ADCY4: variants seen among roughly 807,000 people sequenced by gnomAD.
ADCY4 encodes adenylate cyclase 4, also known as adenylate cyclase type 4.
Under a neutral mutation model 125.5 loss-of-function variants are expected in ADCY4, and 111 were observed. The observed-to-expected ratio is 0.88, with a 90% CI of 0.76 to 1.04. The LOEUF is 1.04. Ranked by LOEUF, ADCY4 falls within the 50% of genes least tolerant of loss-of-function variation. The pLI is 0.00. For missense variants in ADCY4, 1,256 were observed against 1,382.9 expected (o/e 0.91, Z 1.46); for synonymous variants, 576 against 586.9 (o/e 0.98, Z 0.27).
chr14:24,325,961 G>A (rs1208536671), intron 12 of ADCY4, 74 bp from the exon 13 acceptor site: 1 of 1,582,666 alleles, frequency 6.3e-7, no homozygotes, highest in Non-Finnish European at 8.6e-7. Flanking sequence ...AGGGCAGAGT[G>A]AGGGCAAGAG....
chr14:24,331,759 C>T (rs1423479245), intron 4 of ADCY4, 29 bp downstream of exon 4: 1 of 1,536,766 alleles, frequency 6.5e-7, no homozygotes, highest in Non-Finnish European at 8.8e-7. Flanking sequence ...CCTCGGAGCG[C>T]TGCTCTGACC....
At chr14:24,321,536 T>G (rs2041851852) in intron 20 of ADCY4, among the ~76,000 whole-genome samples, 1 of 152,212 alleles carries the variant, frequency 6.6e-6, no homozygotes, top group Admixed American at 6.5e-5. Flanking sequence ...TTATATTACT[T>G]TTAATGGCAA....
chr14:24,319,288 G>A lies in ADCY4; in HGVS notation c.2841+41C>T. ...GTCCCACTAATAAGCCCATCAATGA[G>A]AGCCCAGAGGAGGATGGTAGGTAAG... is the stretch of plus-strand genomic sequence containing the variant. On this transcript the variant is annotated intron_variant, in intron 22 of 24. Coordinates refer to ENST00000418030, the MANE Select transcript of ADCY4 (RefSeq NM_001198568.2). The surrounding 1 kb of genome is among the most constrained non-coding windows in gnomAD (Gnocchi z 4.5). 6.2e-7 allele frequency: 1 copy of A among 1,612,750 alleles called. No homozygotes were observed. Among genetic ancestry groups the A allele is most frequent in the Non-Finnish European group, 8.5e-7 (1 of 1,178,804 alleles).
In ADCY4 at chr14:24,318,715, C is replaced by T. The variant is rs2041806854; in HGVS notation, c.3020G>A (p.Trp1007Ter). ...IGAQKPQYDI[W>*]GNTVNVASRM... is the part of the protein sequence containing the mutation. ...GCTGGCCACGTTCACTGTGTTGCCCCAAATGTCATATTGCGGCTTCTGGGC... is the reference window on the plus strand; with the variant it reads ...GCTGGCCACGTTCACTGTGTTGCCCTAAATGTCATATTGCGGCTTCTGGGC... The change falls in exon 24 of 25, where the codon TGG becomes TAG. Residue 1007 changes from tryptophan (W) to a stop codon, truncating the protein, a stop_gained. Coordinates refer to ENST00000418030, the MANE Select transcript of ADCY4 (RefSeq NM_001198568.2). LOFTEE classifies it high-confidence loss of function. 1 of 1,614,020 alleles carries T rather than the reference C, an allele frequency of 6.2e-7. No individual in the cohort carries two copies. Among genetic ancestry groups the T allele is most frequent in the Non-Finnish European group, 8.5e-7 (1 of 1,180,024 alleles).
At position 24,332,636 on chromosome 14, in the gene ADCY4, G is replaced by T. The variant is rs1164899706; in HGVS notation, c.405C>A (p.Pro135=). The T allele has an allele frequency of 1.9e-6, 3 of 1,586,184 alleles. No individual in the cohort carries two copies. The highest frequency in any genetic ancestry group is 3.6e-5 in the Admixed American group (2 of 55,260). ...FVIFTAYAML[P]LGMRDAAVAG... is the part of the protein sequence containing the mutation. ...CGACGGCGGCGTCCCGCATGCCCAA[G>T]GGCAGCATGGCATACGCCGTGAAGA... is the stretch of plus-strand genomic sequence containing the variant. The change falls in exon 3 of 25, where the codon CCC becomes CCA. Residue 135 remains proline, a synonymous_variant. Coordinates refer to ENST00000418030, the MANE Select transcript of ADCY4 (RefSeq NM_001198568.2).
Position 24,326,162 on chromosome 14 carries a change from G to A in ADCY4, c.1572C>T (p.Ser524=), listed in dbSNP as rs773504883. ...CATCATCTAGTCCCCGGGGGGTACG[G>A]CTCCTGCACAGTGAGAGCCAAGTCC... is the stretch of plus-strand genomic sequence containing the variant. ...SFSTQWSLDR[S]RTPRGLDDEL... The change falls in exon 12 of 25, where the codon AGC becomes AGT. Residue 524 remains serine, a synonymous_variant. Coordinates refer to ENST00000418030, the MANE Select transcript of ADCY4 (RefSeq NM_001198568.2). 2.4e-5 allele frequency: 39 copies of A among 1,600,936 alleles called. No homozygotes were observed. The South Asian group carries it at 4.2e-4, about 17-fold the overall frequency.
chr14:24,324,441 T>A, intron 14 of ADCY4, 50 bp from the exon 15 acceptor site: 1 of 1,553,592 alleles, frequency 6.4e-7, no homozygotes, highest in Non-Finnish European at 8.9e-7. Context: ...AGGCTCCCTG[T>A]GTGCTATGAA....
chr14:24,332,811 C>G lies in ADCY4; in HGVS notation c.337G>C (p.Val113Leu). ...LGHAFLFTGG[V>L]VSAWDQVSYF... Reference sequence around the variant, plus strand: ...CTCACCTGGTCCCAGGCGCTCACCACGCCCCCGGTGAACAGGAAGGCGTGG... The same window carrying G: ...CTCACCTGGTCCCAGGCGCTCACCAGGCCCCCGGTGAACAGGAAGGCGTGG... The change falls in exon 2 of 25, where the codon GTG (valine) becomes CTG (leucine). Residue 113 changes from valine (V) to leucine (L), a missense_variant. Coordinates refer to ENST00000418030, the MANE Select transcript of ADCY4 (RefSeq NM_001198568.2). 1 of 1,564,216 alleles carries G rather than the reference C, an allele frequency of 6.4e-7. No homozygotes were observed. The highest frequency in any genetic ancestry group is 8.7e-7 in the Non-Finnish European group (1 of 1,151,826).
chr14:24,320,225 C>T (rs2041831600), intron 20 of ADCY4, among the ~76,000 whole-genome samples: 1 of 152,124 alleles, frequency 6.6e-6, no homozygotes, highest in African/African-American at 2.4e-5. Flanking sequence ...ATTAAGCCGG[C>T]TACAAAACCA....
rs61745073 is a variant in ADCY4 at position 24,329,227 on chromosome 14, T to A, written c.1358A>T (p.Glu453Val). The A allele has an allele frequency of 5.8e-3, 9,412 of 1,613,520 alleles. 45 individuals carry two copies. The highest frequency in any genetic ancestry group is 6.7e-3 in the Non-Finnish European group (7,882 of 1,179,708). Residue 453 changes from glutamate (E) to valine (V), a missense_variant, in exon 10 of 25, where the codon GAG becomes GTG. By Grantham distance (121) the Glu-to-Val change is moderately radical (BLOSUM62 -2). Coordinates refer to ENST00000418030, the MANE Select transcript of ADCY4 (RefSeq NM_001198568.2). ...TCCTGCAGTGCCCTTCTCATCCTCCTCCTCTGCCTGGGGCACATAAGGGCT... is the reference window on the plus strand; with the variant it reads ...TCCTGCAGTGCCCTTCTCATCCTCCACCTCTGCCTGGGGCACATAAGGGCT... Reference protein sequence around the residue: ...TYLVIDPRAEEEDEKGTAGGL... With the variant: ...TYLVIDPRAEVEDEKGTAGGL...
chr14:24,329,445 G>T lies in ADCY4; in HGVS notation c.1306C>A (p.Leu436Ile), dbSNP rs1446693853. The change falls in exon 9 of 25, where the codon CTT (leucine) becomes ATT (isoleucine). Residue 436 changes from leucine to isoleucine, a missense_variant. Leu to Ile is a conservative substitution (Grantham distance 5). Coordinates refer to ENST00000418030, the MANE Select transcript of ADCY4 (RefSeq NM_001198568.2). ...DAGMEHRDPY[L>I]RELGEPTYLV... ...TAGGTAGGCTCCCCTAGCTCCCGAA[G>T]GTAGGGGTCCCGATGCTCCATGCCT... The T allele has an allele frequency of 6.3e-7, 1 of 1,579,106 alleles. No individual in the cohort carries two copies. Among genetic ancestry groups the T allele is most frequent in the African/African-American group, 1.4e-5 (1 of 73,270 alleles).
chr14:24,333,886 C>A (rs984626651), intron 1 of ADCY4, among the ~76,000 whole-genome samples: 1 of 152,158 alleles, frequency 6.6e-6, no homozygotes, highest in African/African-American at 2.4e-5. Context: ...GCTGCACAGC[C>A]GTCCCAGCAT....
chr14:24,319,472 TTAC>T lies in ADCY4; in HGVS notation c.2734-39_2734-37del. ...AGAAGAGTCCTGTCCCCAGTCTCTCTTACTCTCTCCATCACCTCTCCCAGAAGC... is the reference window on the plus strand; with the variant it reads ...AGAAGAGTCCTGTCCCCAGTCTCTCTTCTCTCCATCACCTCTCCCAGAAGC... On this transcript the variant is annotated intron_variant, in intron 21 of 24. Transcript: ENST00000418030. The surrounding 1 kb of genome is among the most constrained non-coding windows in gnomAD (Gnocchi z 4.5). 1 of 1,596,442 alleles carries T rather than the reference TTAC, an allele frequency of 6.3e-7. No homozygotes were observed. Among genetic ancestry groups the T allele is most frequent in the Non-Finnish European group, 8.6e-7 (1 of 1,164,234 alleles).
At chr14:24,331,458 C>A in intron 4 of ADCY4, 102 bp from the exon 5 acceptor site, 1 of 1,495,924 alleles carries the variant, frequency 6.7e-7, no homozygotes, top group East Asian at 2.3e-5. Flanking sequence ...CCTAGGTGCT[C>A]CCCAGGGTGC....
At chr14:24,327,290 A>G (rs1411931075) in intron 10 of ADCY4, among the ~76,000 whole-genome samples, 1 of 152,132 alleles carries the variant, frequency 6.6e-6, no homozygotes, top group Non-Finnish European at 1.5e-5. Context: ...ACCCTTGAAC[A>G]AAGGGTCCTG....
intron 8 of ADCY4, 137 bp downstream of exon 8, chr14:24,329,723 G>A: frequency 7.0e-7 from 1 of 1,431,750 alleles, no homozygotes; most frequent in East Asian, 2.3e-5. Context: ...CTGCACCCTA[G>A]GATCTCCCAA....
chr14:24,324,076 C>G lies in ADCY4; in HGVS notation c.2032G>C (p.Ala678Pro). Residue 678 changes from alanine (A) to proline (P), a missense_variant, in exon 16 of 25, where the codon GCC becomes CCC. Transcript: ENST00000418030. ...TCTGTCCTCACCAGGCTGGTAATGGCCATGGCAAAGACAAGGAGGATGGTG... is the reference window on the plus strand; with the variant it reads ...TCTGTCCTCACCAGGCTGGTAATGGGCATGGCAAAGACAAGGAGGATGGTG... ...TATILLVFAM[A>P]ITSLFFFPTS... is the part of the protein sequence containing the mutation. 6.2e-7 allele frequency: 1 copy of G among 1,614,156 alleles called. No homozygotes were observed. Among genetic ancestry groups the G allele is most frequent in the South Asian group, 1.1e-5 (1 of 91,076 alleles).
In ADCY4 at chr14:24,332,989, C is replaced by A; in HGVS notation, c.160-1G>T. ...GGAAGCTCGGGTCTGAGGTCAGCTC[C>A]TGTGGGCAGGGGTGTGTGAGGCAAG... On this transcript the variant is annotated splice_acceptor_variant, in intron 1 of 24. Transcript: ENST00000418030. LOFTEE classifies it high-confidence loss of function. 6.5e-7 allele frequency: 1 copy of A among 1,532,684 alleles called. No homozygotes were observed. Among genetic ancestry groups the A allele is most frequent in the Non-Finnish European group, 8.8e-7 (1 of 1,138,098 alleles). 94.9% of individuals were successfully genotyped at this position (1,532,684 alleles called of 1,614,324 possible).
chr14:24,329,494 T>C lies in ADCY4; in HGVS notation c.1257A>G (p.Ala419=), dbSNP rs1358786803. The C allele has an allele frequency of 2.6e-6, 4 of 1,566,644 alleles. No individual in the cohort carries two copies. The highest frequency in any genetic ancestry group is 2.7e-5 in the African/African-American group (2 of 72,894). The change falls in exon 9 of 25, where the codon GCA becomes GCG. Residue 419 remains alanine, a synonymous_variant. Coordinates refer to ENST00000418030, the MANE Select transcript of ADCY4 (RefSeq NM_001198568.2). ...HITGATLALL[A]GAYAVEDAGM... ...CTGCGTCCTCCACAGCATAAGCCCCTGCCAGCAGGGCCAGGGTAGCCCCTG... is the reference window on the plus strand; with the variant it reads ...CTGCGTCCTCCACAGCATAAGCCCCCGCCAGCAGGGCCAGGGTAGCCCCTG...
Sources: gnomAD v4.1 joint callset for allele counts (sites outside exome capture counted in the v4.1 genomes callset) on GRCh38, gnomAD v4.1.1 for gene constraint, Gnocchi (gnomAD v3.1) non-coding constraint, MANE v1.5 for transcripts, NCBI Gene and HGNC (gene_info 2026-07-23, HGNC 2026-07-21) for gene names.